Variants in ATP6AP1 observed in about 807,000 individuals in gnomAD.
ATP6AP1 encodes the protein ATPase H+ transporting accessory protein 1.
Under a neutral mutation model 32.0 loss-of-function variants are expected in ATP6AP1, and 1 was observed. The ratio of observed to expected loss-of-function variants is 0.03; its 90% CI spans 0.01 to 0.15. ATP6AP1 has a LOEUF of 0.15. ATP6AP1 is among the 10% of genes least tolerant of loss of function. The pLI, the probability that ATP6AP1 is intolerant of heterozygous loss-of-function variation, is 1.00. For synonymous variants in ATP6AP1, 187 were observed against 174.9 expected, an observed-to-expected ratio of 1.07 and a Z score of -0.55; for missense variants, 297 against 398.8, an observed-to-expected ratio of 0.74 and a Z score of 2.17.
chrX:154,430,888 TGAGA>T (rs2068689690), intron 2 of ATP6AP1: 1 of 108,896 alleles, frequency 9.2e-6, no homozygotes, highest in Non-Finnish European at 1.9e-5. Context: ...GCACAGTGAG[TGAGA>T]GAAAGGGGTA....
In ATP6AP1 at chrX:154,434,402, G is replaced by A; in HGVS notation, c.879G>A (p.Gln293=). Residue 293 remains glutamine (Q), a synonymous_variant, in exon 7 of 10, where the codon CAG becomes CAA. Coordinates refer to ENST00000369762, the MANE Select transcript of ATP6AP1 (RefSeq NM_001183.6). The part of the protein sequence containing the change: ...EDLTPLTFGV[Q]ELNLTGSFWN... ...TGACTCCCCTCACCTTTGGGGTGCA[G>A]GAACTCAACCTGACTGGCTCCTTCT... 8.3e-7 allele frequency: 1 copy of A among 1,212,113 alleles called. No homozygotes were observed. Among genetic ancestry groups the A allele is most frequent in the Non-Finnish European group, 1.1e-6 (1 of 895,515 alleles).
At chrX:154,434,125 G>C (rs1191544787) in intron 6 of ATP6AP1, 83 bp from the exon 7 acceptor site, 1 of 933,298 alleles carries the variant, frequency 1.1e-6, no homozygotes, top group African/African-American at 1.9e-5. Context: ...CCTGTTGGGA[G>C]GGGAAGGAGG....
At chrX:154,434,152 C>T in intron 6 of ATP6AP1, 56 bp from the exon 7 acceptor site, 1 of 1,133,958 alleles carries the variant, frequency 8.8e-7, no homozygotes, top group African/African-American at 1.8e-5. Context: ...CAATTGGGTT[C>T]AAGTGTGACA....
intron 5 of ATP6AP1, 100 bp from the exon 6 acceptor site, chrX:154,433,535 T>G: frequency 2.3e-6 from 2 of 879,036 alleles, no homozygotes; most frequent in Non-Finnish European, 3.3e-6. Context: ...ACACACCACT[T>G]TCAGATGGTC....
At chrX:154,431,975 CTCTGA>C in intron 3 of ATP6AP1, 71 bp downstream of exon 3, 1 of 1,089,883 alleles carries the variant, frequency 9.2e-7, no homozygotes, top group Non-Finnish European at 1.3e-6. Flanking sequence ...AAGAACTGTA[CTCTGA>C]CCTCATATCA....
At position 154,435,383 on chromosome X, in the gene ATP6AP1, G is replaced by A; in HGVS notation, c.1081G>A (p.Val361Ile). Residue 361 changes from valine to isoleucine, a missense_variant, in exon 9 of 10, where the codon GTC (valine) becomes ATC (isoleucine). By Grantham distance (29) the Val-to-Ile change is conservative. Around this residue, in one of 2 missense-constraint regions of ATP6AP1, gnomAD observed 155 missense variants for 253.8 expected, o/e 0.61. Coordinates refer to ENST00000369762, the MANE Select transcript of ATP6AP1 (RefSeq NM_001183.6). ...CGTCGCCTACTTCAATGCTTCCCAG[G>A]TCACAGGGCCCAGCATCTACTCCTT... ...GSVAYFNASQVTGPSIYSFHC... is the reference protein window; with the variant it reads ...GSVAYFNASQITGPSIYSFHC... 1.7e-6 allele frequency: 2 copies of A among 1,212,051 alleles called. No individual in the cohort carries two copies. Among genetic ancestry groups the A allele is most frequent in the Non-Finnish European group, 2.2e-6 (2 of 895,573 alleles).
intron 9 of ATP6AP1, 67 bp from the exon 10 acceptor site, chrX:154,435,615 G>A: frequency 8.5e-7 from 1 of 1,177,475 alleles, no homozygotes; most frequent in Admixed American, 2.2e-5. Flanking sequence ...TCCCTGCGCT[G>A]CCCCTGTCCC....
At chrX:154,435,014 C>T (rs1363549989) in intron 7 of ATP6AP1, 125 bp from the exon 8 acceptor site, 8 of 735,201 alleles carry the variant, frequency 1.1e-5, no homozygotes, top group Non-Finnish European at 1.4e-5. Context: ...GGGGACACTG[C>T]TTCTTCAGGT....
intron 3 of ATP6AP1, 60 bp from the exon 4 acceptor site, chrX:154,432,206 G>C (rs1308090103): frequency 9.6e-7 from 1 of 1,046,642 alleles, no homozygotes; most frequent in African/African-American, 1.9e-5. Context: ...AGGTGTGGGG[G>C]GCTGGGCCAG....
Position 154,435,810 on chromosome X carries a change from G to C in ATP6AP1, c.1332G>C (p.Leu444=). ...LFMLFIFTYG[L]HMILSLKTMD... is the part of the protein sequence containing the mutation. ...TGCTCTTCATCTTCACCTATGGCCT[G>C]CACATGATCCTCAGCCTCAAGACCA... Residue 444 remains leucine, a synonymous_variant, in exon 10 of 10, where the codon CTG becomes CTC. Transcript: ENST00000369762. The C allele has an allele frequency of 8.3e-7, 1 of 1,211,825 alleles. No homozygotes were observed. The highest frequency in any genetic ancestry group is 1.1e-6 in the Non-Finnish European group (1 of 895,435).
chrX:154,431,921 A>G lies in ATP6AP1; in HGVS notation c.363+17A>G. On this transcript the variant is annotated intron_variant, in intron 3 of 9. Coordinates refer to ENST00000369762, the MANE Select transcript of ATP6AP1 (RefSeq NM_001183.6). ...AACCTAGAGGTGAGAGTCCTCTCCC[A>G]GCCAGGGGCCATGGGGGACATTCTG... 1 of 1,203,931 alleles carries G rather than the reference A, an allele frequency of 8.3e-7. No individual in the cohort carries two copies. Among genetic ancestry groups the G allele is most frequent in the South Asian group, 1.8e-5 (1 of 56,779 alleles).
intron 2 of ATP6AP1, 83 bp downstream of exon 2, chrX:154,429,257 C>A: frequency 9.0e-7 from 1 of 1,114,667 alleles, no homozygotes; most frequent in Non-Finnish European, 1.2e-6. Flanking sequence ...GCCCATTCCC[C>A]AAGGGAAGCT....
chrX:154,434,081 G>A, intron 6 of ATP6AP1, 127 bp from the exon 7 acceptor site: 4 of 681,654 alleles, frequency 5.9e-6, no homozygotes, highest in East Asian at 3.2e-5. Flanking sequence ...GGTCTCCTCT[G>A]GCTGATGGGA....
intron 1 of ATP6AP1, 49 bp from the exon 2 acceptor site, chrX:154,428,999 C>T: frequency 1.7e-6 from 2 of 1,197,317 alleles, no homozygotes; most frequent in Non-Finnish European, 2.3e-6. Flanking sequence ...GACAGAGCTC[C>T]AGTCCACATG....
At position 154,435,391 on chromosome X, in the gene ATP6AP1, G is replaced by A. The variant is rs2068713827; in HGVS notation, c.1089G>A (p.Gly363=). ...VAYFNASQVT[G]PSIYSFHCEY... is the part of the protein sequence containing the mutation. ...ACTTCAATGCTTCCCAGGTCACAGG[G>A]CCCAGCATCTACTCCTTCCACTGCG... The change falls in exon 9 of 10, where the codon GGG becomes GGA. Residue 363 remains glycine, a synonymous_variant. Coordinates refer to ENST00000369762, the MANE Select transcript of ATP6AP1 (RefSeq NM_001183.6). 8.3e-7 allele frequency: 1 copy of A among 1,210,690 alleles called. No homozygotes were observed. Among genetic ancestry groups the A allele is most frequent in the Non-Finnish European group, 1.1e-6 (1 of 895,363 alleles).
Position 154,431,920 on chromosome X carries a change from C to T in ATP6AP1, c.363+16C>T, listed in dbSNP as rs782664781. On this transcript the variant is annotated intron_variant, in intron 3 of 9. Transcript: ENST00000369762. ...TAACCTAGAGGTGAGAGTCCTCTCC[C>T]AGCCAGGGGCCATGGGGGACATTCT... is the stretch of plus-strand genomic sequence containing the variant. 3 of 1,203,284 alleles carry T rather than the reference C, an allele frequency of 2.5e-6. No individual in the cohort carries two copies. The highest frequency in any genetic ancestry group is 3.4e-6 in the Non-Finnish European group (3 of 888,090).
rs782481594 is a variant in ATP6AP1 at position 154,435,787 on chromosome X, C to T, written c.1309C>T (p.Leu437Phe). The T allele has an allele frequency of 1.7e-6, 2 of 1,211,949 alleles. No homozygotes were observed. The highest frequency in any genetic ancestry group is 1.8e-5 in the South Asian group (1 of 57,042). Residue 437 changes from leucine to phenylalanine, a missense_variant, in exon 10 of 10, where the codon CTC becomes TTC. Transcript: ENST00000369762. ...WMGLLTSLFM[L>F]FIFTYGLHMI... Reference sequence around the variant, plus strand: ...GGGGCTGCTCACCTCCCTGTTCATGCTCTTCATCTTCACCTATGGCCTGCA... The same window carrying T: ...GGGGCTGCTCACCTCCCTGTTCATGTTCTTCATCTTCACCTATGGCCTGCA...
chrX:154,431,484 C>T (rs1025662761), intron 2 of ATP6AP1: 7 of 206,252 alleles, frequency 3.4e-5, no homozygotes, highest in Non-Finnish European at 6.1e-5. Context: ...TTGGCTGCCC[C>T]ACCCCCTCCC....
At position 154,436,188 on chromosome X, in the gene ATP6AP1, T is replaced by C. The variant is rs2068718728; in HGVS notation, c.*297T>C. On this transcript the variant is annotated 3_prime_UTR_variant, in exon 10 of 10. Transcript: ENST00000369762. ...GGTCTCCTTTCTCCTTATTTATTCT[T>C]GTGGCTACATCATCCCTGGCTGTGG... is the stretch of plus-strand genomic sequence containing the variant. 3 of 339,338 alleles carry C rather than the reference T, an allele frequency of 8.8e-6. No individual in the cohort carries two copies. Among genetic ancestry groups the C allele is most frequent in the African/African-American group, 5.2e-5 (2 of 38,717 alleles). The allele number at this position is 339,338 out of a possible 1,213,427, so 28.0% of individuals were successfully genotyped here.
Sources: allele counts gnomAD v4.1 joint callset, GRCh38; gene constraint gnomAD v4.1.1; regional missense constraint gnomAD v4.1.1; transcripts MANE v1.5; gene names NCBI Gene and HGNC (gene_info 2026-07-23, HGNC 2026-07-21).